NKAIN3: variants seen among roughly 807,000 people sequenced by gnomAD.
NKAIN3 encodes sodium/potassium-transporting ATPase subunit beta-1-interacting protein 3.
In NKAIN3, 25 loss-of-function variants were observed where a neutral mutation model predicts 30.2. That is an observed-to-expected ratio of 0.83 (90% CI 0.60 to 1.16). The LOEUF (loss-of-function observed/expected upper bound fraction) is 1.16. NKAIN3 is among the 50% of genes most tolerant of loss of function. The pLI, the probability that NKAIN3 is intolerant of heterozygous loss-of-function variation, is 0.00. For synonymous variants in NKAIN3, 91 were observed against 89.6 expected (o/e 1.02, Z -0.09); for missense variants, 225 against 254.1 (o/e 0.89, Z 0.78).
chr8:62,295,383 T>C (rs1813792558), intron 1 of NKAIN3, among the ~76,000 whole-genome samples: 1 of 152,114 alleles, frequency 6.6e-6, no homozygotes, highest in African/African-American at 2.4e-5. Context: ...CAGGCAAACA[T>C]CCTAATGATA....
chr8:62,479,298 C>T (rs1435411080), intron 1 of NKAIN3, among the ~76,000 whole-genome samples: 4 of 152,160 alleles, frequency 2.6e-5, no homozygotes, highest in Non-Finnish European at 4.4e-5. Context: ...GACAGGTACT[C>T]TACCTACATT....
At chr8:62,527,797 C>T (rs184240776) in intron 1 of NKAIN3, among the ~76,000 whole-genome samples, 9 of 151,572 alleles carry the variant, frequency 5.9e-5, no homozygotes, top group Admixed American at 5.9e-4. Flanking sequence ...GAAATAAATC[C>T]TAAAGATTCT....
intron 5 of NKAIN3, among the ~76,000 whole-genome samples, chr8:62,923,841 T>C (rs1822355099): frequency 6.6e-6 from 1 of 152,226 alleles, no homozygotes; most frequent in Non-Finnish European, 1.5e-5. Context: ...TACAGTGCTC[T>C]GGTTGAGTGA....
chr8:62,955,238 A>C (rs1251850569), intron 6 of NKAIN3, among the ~76,000 whole-genome samples: 2 of 152,186 alleles, frequency 1.3e-5, no homozygotes, highest in African/African-American at 4.8e-5. Context: ...TGTTTAAATA[A>C]ATTTTGGTTT....
chr8:62,823,785 A>G (rs942275405), intron 4 of NKAIN3, among the ~76,000 whole-genome samples: 2 of 152,130 alleles, frequency 1.3e-5, no homozygotes, highest in Admixed American at 1.3e-4. Flanking sequence ...GAAAAGTGTC[A>G]TTTGGGCTCA....
intron 4 of NKAIN3, among the ~76,000 whole-genome samples, chr8:62,902,564 C>A (rs541915324): frequency 1.3e-5 from 2 of 152,212 alleles, no homozygotes; most frequent in African/African-American, 2.4e-5. Context: ...CAACCCAAGA[C>A]CTTGCCTGTC....
chr8:62,557,689 A>G lies in NKAIN3; in HGVS notation c.55-21850A>G, dbSNP rs1260768258. Among the ~76,000 whole-genome samples the G allele has an allele frequency of 2.0e-5, 3 of 151,596 alleles. No homozygotes were observed. The East Asian group carries it at 5.8e-4, about 29-fold the overall frequency. ...TTGAGCAGTTTTCATATGTTTGTTG[A>G]CCATTTGTATATCTTCTTTTGTGGG... On this transcript the variant is annotated intron_variant, in intron 1 of 6. Coordinates refer to ENST00000623646, the MANE Select transcript of NKAIN3 (RefSeq NM_001304533.3).
chr8:62,897,188 G>T (rs937689547), intron 4 of NKAIN3, among the ~76,000 whole-genome samples: 7 of 152,112 alleles, frequency 4.6e-5, no homozygotes, highest in African/African-American at 1.7e-4. Context: ...TAGTAAGAAA[G>T]AATGAAGGAA....
Position 62,580,923 on chromosome 8 carries a change from T to G in NKAIN3, c.192+1247T>G, listed in dbSNP as rs57548415. 5.2e-3 allele frequency among the ~76,000 whole-genome samples: 777 copies of G among 148,208 alleles called. 6 individuals are homozygous for G. The highest frequency in any genetic ancestry group is 0.018 in the African/African-American group (741 of 40,570). ...TAGGGTTTTTATATATATATATATATATAGAAATCCAGTGTCTACAAAAAA... is the reference window on the plus strand; with the variant it reads ...TAGGGTTTTTATATATATATATATAGATAGAAATCCAGTGTCTACAAAAAA... On this transcript the variant is annotated intron_variant, in intron 2 of 6. Coordinates refer to ENST00000623646, the MANE Select transcript of NKAIN3 (RefSeq NM_001304533.3).
At chr8:62,341,627 G>A (rs1815749569) in intron 1 of NKAIN3, among the ~76,000 whole-genome samples, 1 of 151,976 alleles carries the variant, frequency 6.6e-6, no homozygotes, top group Non-Finnish European at 1.5e-5. Context: ...ATTCAGAGCT[G>A]CTGCATTTTT....
chr8:62,418,154 G>C (rs1434564729), intron 1 of NKAIN3, among the ~76,000 whole-genome samples: 3 of 152,174 alleles, frequency 2.0e-5, no homozygotes, highest in African/African-American at 7.2e-5. Flanking sequence ...TGTTCCCTGA[G>C]AAGTGTAGAC....
intron 3 of NKAIN3, among the ~76,000 whole-genome samples, chr8:62,721,318 G>A (rs1040248148): frequency 6.6e-6 from 1 of 152,160 alleles, no homozygotes; most frequent in African/African-American, 2.4e-5. Flanking sequence ...TTATCATACT[G>A]CTACTTTGTG....
intron 1 of NKAIN3, among the ~76,000 whole-genome samples, chr8:62,312,425 C>A (rs1395455462): frequency 6.6e-6 from 1 of 150,510 alleles, no homozygotes; most frequent in Non-Finnish European, 1.5e-5. Context: ...ACTTCACTGG[C>A]ATCTTTTCTA....
intron 3 of NKAIN3, among the ~76,000 whole-genome samples, chr8:62,708,906 AT>A (rs1814626383): frequency 6.6e-6 from 1 of 152,144 alleles, no homozygotes; most frequent in African/African-American, 2.4e-5. Context: ...TTGTATGCAG[AT>A]TTTGATGAGA....
At chr8:62,764,294 G>C (rs1816767482) in intron 4 of NKAIN3, among the ~76,000 whole-genome samples, 2 of 152,096 alleles carry the variant, frequency 1.3e-5, no homozygotes, top group African/African-American at 4.8e-5. Flanking sequence ...TGTGAGGTAG[G>C]CTTTATTATT....
Position 62,713,068 on chromosome 8 carries a change from A to G in NKAIN3, c.274-33864A>G, listed in dbSNP as rs138923161. Among the ~76,000 whole-genome samples the G allele has an allele frequency of 2.6e-3, 393 of 152,238 alleles. 2 individuals are homozygous for G. The highest frequency in any genetic ancestry group is 8.9e-3 in the African/African-American group (371 of 41,528). On this transcript the variant is annotated intron_variant, in intron 3 of 6. Coordinates refer to ENST00000623646, the MANE Select transcript of NKAIN3 (RefSeq NM_001304533.3). Reference sequence around the variant, plus strand: ...CTGTCTCCAGAGTGGGGGCACTCACAGTATTTGGGGTGTCTCCTGGGTCAT... The same window carrying G: ...CTGTCTCCAGAGTGGGGGCACTCACGGTATTTGGGGTGTCTCCTGGGTCAT...
At chr8:62,998,024 G>A (rs1300301383) in intron 5 of NKAIN3, among the ~76,000 whole-genome samples, 3 of 152,034 alleles carry the variant, frequency 2.0e-5, no homozygotes, top group Non-Finnish European at 4.4e-5. Flanking sequence ...GAGACTATGA[G>A]CCCAGTACAT....
chr8:62,299,751 T>G (rs898939645), intron 1 of NKAIN3, among the ~76,000 whole-genome samples: 1 of 152,076 alleles, frequency 6.6e-6, no homozygotes, highest in African/African-American at 2.4e-5. Flanking sequence ...CTAAAATAGG[T>G]ATTTATTTTA....
intron 3 of NKAIN3, among the ~76,000 whole-genome samples, chr8:62,607,837 C>T (rs1416804183): frequency 1.3e-5 from 2 of 152,010 alleles, no homozygotes; most frequent in Non-Finnish European, 2.9e-5. Flanking sequence ...TGAAGTATAA[C>T]CTATGAGTGA....
Sources: allele counts gnomAD v4.1 joint callset (sites outside exome capture counted in the v4.1 genomes callset), GRCh38; gene constraint gnomAD v4.1.1; transcripts MANE v1.5; gene names NCBI Gene and HGNC (gene_info 2026-07-23, HGNC 2026-07-21).